Variants in ITGBL1 observed in about 807,000 individuals in gnomAD.
The protein encoded by ITGBL1 is integrin subunit beta like 1.
A neutral mutation model predicts 68.5 loss-of-function variants in ITGBL1; 51 were observed. The observed-to-expected ratio is 0.74, with a 90% CI of 0.59 to 0.94. The LOEUF (loss-of-function observed/expected upper bound fraction) is 0.94. ITGBL1 is among the 40% of genes least tolerant of loss of function. ITGBL1 has a pLI of 0.00. For missense variants in ITGBL1, 649 were observed against 647.4 expected, an observed-to-expected ratio of 1.00 and a Z score of -0.03; for synonymous variants, 209 against 227.3, an observed-to-expected ratio of 0.92 and a Z score of 0.72.
chr13:101,690,995 C>T (rs888806296), intron 7 of ITGBL1, among the ~76,000 whole-genome samples: 4 of 152,272 alleles, frequency 2.6e-5, no homozygotes, highest in East Asian at 3.9e-4. Flanking sequence ...AAGGCACTGC[C>T]AAGAACCAGT....
intron 2 of ITGBL1, among the ~76,000 whole-genome samples, chr13:101,502,014 G>T (rs118022633): frequency 6.6e-6 from 1 of 151,944 alleles, no homozygotes; most frequent in Non-Finnish European, 1.5e-5. Flanking sequence ...GAGCCTCATC[G>T]TTGAAAGAAA....
At chr13:101,473,341 C>T (rs2048489331) in intron 2 of ITGBL1, among the ~76,000 whole-genome samples, 1 of 152,168 alleles carries the variant, frequency 6.6e-6, no homozygotes, top group South Asian at 2.1e-4. Context: ...CATCTCTGTG[C>T]TGTTGAGGGA....
At position 101,583,164 on chromosome 13, in the gene ITGBL1, C is replaced by T; in HGVS notation, c.728-52C>T. 3 of 1,556,890 alleles carry T rather than the reference C, an allele frequency of 1.9e-6. No individual in the cohort carries two copies. The African/African-American group carries it at 4.1e-5, about 21-fold the overall frequency. ...TAATAAGCGATATGTGAAATGCTTT[C>T]TTTCATGGTTTTTCTTGACTGGATT... On this transcript the variant is annotated intron_variant, in intron 5 of 10. Transcript: ENST00000376180.
chr13:101,619,571 T>G lies in ITGBL1; in HGVS notation c.1015+21272T>G, dbSNP rs1035675452. On this transcript the variant is annotated intron_variant, in intron 7 of 10. Coordinates refer to ENST00000376180, the MANE Select transcript of ITGBL1 (RefSeq NM_004791.3). ...TGATTTGAGCCCAGCCAAACCATTT[T>G]AGACTTCTGATCTCCAGAACTGTAA... 3.3e-5 allele frequency among the ~76,000 whole-genome samples: 5 copies of G among 152,192 alleles called. No individual in the cohort carries two copies. In the East Asian group the frequency reaches 7.7e-4, roughly 23 times the overall value.
chr13:101,469,967 T>C (rs1011477160), intron 2 of ITGBL1, among the ~76,000 whole-genome samples: 1 of 152,172 alleles, frequency 6.6e-6, no homozygotes, highest in African/African-American at 2.4e-5. Context: ...ATCACGTAAC[T>C]TCTCTGAGCC....
intron 2 of ITGBL1, among the ~76,000 whole-genome samples, chr13:101,547,873 C>T (rs922507433): frequency 6.6e-6 from 1 of 150,936 alleles, no homozygotes; most frequent in South Asian, 2.1e-4. Context: ...AAATTGCTTT[C>T]TTACATTAAA....
Position 101,604,901 on chromosome 13 carries a change from C to CACACACACACACAT in ITGBL1, c.1015+6603_1015+6604insCACACACACACATA, listed in dbSNP as rs1566753055. ...ATATATATATATACACACACACACA[C>CACACACACACACAT]ATATATATGTGCATATATGTGTGTA... On this transcript the variant is annotated intron_variant, in intron 7 of 10. Coordinates refer to ENST00000376180, the MANE Select transcript of ITGBL1 (RefSeq NM_004791.3). Among the ~76,000 whole-genome samples the CACACACACACACAT allele has an allele frequency of 8.8e-5, 8 of 90,778 alleles. 1 individual carries two copies. In the South Asian group the frequency reaches 2.4e-3, roughly 28 times the overall value. The allele number at this position is 90,778 out of a possible 152,430, so 59.6% of individuals were successfully genotyped here. A position where few individuals can be genotyped will look rare whatever the true frequency, so the allele number is the denominator to read the frequency against.
chr13:101,713,192 G>C (rs918527052), intron 9 of ITGBL1: 2 of 152,182 alleles, frequency 1.3e-5, no homozygotes, highest in African/African-American at 4.8e-5. Flanking sequence ...TCCCTGATAT[G>C]AAATATCACA....
At position 101,563,540 on chromosome 13, in the gene ITGBL1, G is replaced by A. The variant is rs558261566; in HGVS notation, c.317-4159G>A. Reference sequence around the variant, plus strand: ...AGCAAGTCTATGCCTGTTAAGTTCAGGAATTTAAATGAAATGGGCCAAGTC... The same window carrying A: ...AGCAAGTCTATGCCTGTTAAGTTCAAGAATTTAAATGAAATGGGCCAAGTC... On this transcript the variant is annotated intron_variant, in intron 2 of 10. Coordinates refer to ENST00000376180, the MANE Select transcript of ITGBL1 (RefSeq NM_004791.3). Among the ~76,000 whole-genome samples the A allele has an allele frequency of 5.9e-5, 9 of 151,832 alleles. No individual in the cohort carries two copies. The South Asian group carries it at 1.7e-3, about 28-fold the overall frequency.
At chr13:101,564,862 A>G (rs997527358) in intron 2 of ITGBL1, among the ~76,000 whole-genome samples, 8 of 151,794 alleles carry the variant, frequency 5.3e-5, no homozygotes, top group Middle Eastern at 3.2e-3. Context: ...TAAAACTTAA[A>G]GTATAATAAT....
intron 2 of ITGBL1, among the ~76,000 whole-genome samples, chr13:101,481,438 T>G (rs1594836519): frequency 6.6e-6 from 1 of 150,784 alleles, no homozygotes; most frequent in Non-Finnish European, 1.5e-5. Flanking sequence ...CATTGTGATA[T>G]TATAGAACTG....
intron 7 of ITGBL1, among the ~76,000 whole-genome samples, chr13:101,650,846 A>T (rs1286720888): frequency 6.6e-6 from 1 of 151,938 alleles, no homozygotes; most frequent in Non-Finnish European, 1.5e-5. Context: ...CAGCCCACTG[A>T]TATGTCCATG....
At chr13:101,717,914 A>G (rs1048928896), downstream of ITGBL1, 6 of 152,150 alleles carry the variant, frequency 3.9e-5, no homozygotes, top group Admixed American at 1.3e-4. Context: ...AACAACTACA[A>G]CAAAAGTGCT....
intron 3 of ITGBL1, among the ~76,000 whole-genome samples, chr13:101,572,770 A>AGGCATATT (rs1396568059): frequency 6.6e-6 from 1 of 151,954 alleles, no homozygotes; most frequent in Non-Finnish European, 1.5e-5. Context: ...CCTATGGGGG[A>AGGCATATT]CTTCAGTGAG....
intron 2 of ITGBL1, among the ~76,000 whole-genome samples, chr13:101,510,956 T>C (rs1272951918): frequency 6.6e-6 from 1 of 152,108 alleles, no homozygotes; most frequent in Non-Finnish European, 1.5e-5. Context: ...GTCTGTTTAG[T>C]CTGTTGATGA....
At chr13:101,477,225 A>G (rs1594833430) in intron 2 of ITGBL1, among the ~76,000 whole-genome samples, 2 of 152,298 alleles carry the variant, frequency 1.3e-5, no homozygotes, top group East Asian at 3.9e-4. Context: ...GAAATTAAAC[A>G]ATATGCTCCT....
chr13:101,470,999 T>G (rs1264365474), intron 2 of ITGBL1, among the ~76,000 whole-genome samples: 1 of 152,198 alleles, frequency 6.6e-6, no homozygotes, highest in East Asian at 1.9e-4. Flanking sequence ...ATAAAAACTG[T>G]GCAATCAGTC....
intron 3 of ITGBL1, among the ~76,000 whole-genome samples, chr13:101,572,684 A>G (rs887114961): frequency 2.0e-5 from 3 of 152,010 alleles, no homozygotes; most frequent in African/African-American, 7.2e-5. Flanking sequence ...TATGGGTGAG[A>G]CAGGAAGTCT....
At chr13:101,571,974 ACATATATT>A (rs2139262440) in intron 3 of ITGBL1, among the ~76,000 whole-genome samples, 2 of 152,322 alleles carry the variant, frequency 1.3e-5, no homozygotes, top group African/African-American at 4.8e-5. Flanking sequence ...GATCTAGTGC[ACATATATT>A]TTTATATTTT....
Sources: allele counts gnomAD v4.1 joint callset (sites outside exome capture counted in the v4.1 genomes callset), GRCh38; gene constraint gnomAD v4.1.1; transcripts MANE v1.5; gene names NCBI Gene and HGNC (gene_info 2026-07-23, HGNC 2026-07-21).